The following MFN2 variants were observed in gnomAD, a reference collection of about 807,000 sequenced individuals.
MFN2 encodes mitofusin 2.
In MFN2, 43 loss-of-function variants were observed where a neutral mutation model predicts 87.5. That is an observed-to-expected ratio of 0.49 (90% CI 0.38 to 0.63). The LOEUF (loss-of-function observed/expected upper bound fraction) is 0.63, where lower values mean the gene tolerates loss of function less well. Ranked by LOEUF, MFN2 falls within the 30% of genes least tolerant of loss-of-function variation. MFN2 has a pLI of 0.00. For missense variants in MFN2, 743 were observed against 972.8 expected, an observed-to-expected ratio of 0.76 and a Z score of 3.14; for synonymous variants, 337 against 359.9, an observed-to-expected ratio of 0.94 and a Z score of 0.72.
Position 12,005,928 on chromosome 1 carries a change from C to G in MFN2, c.1713C>G (p.Asp571Glu). Residue 571 changes from aspartate (D) to glutamate (E), a missense_variant, in exon 15 of 19, where the codon GAC (aspartate) becomes GAG (glutamate). Coordinates refer to ENST00000235329, the MANE Select transcript of MFN2 (RefSeq NM_014874.4). ...NSRRALMGYN[D>E]QVQRPIPLTP... ...GTCGGGCCTTGATGGGCTACAATGA[C>G]CAGGCAAGCAAAGTTCCTCACCTCA... 6.2e-7 allele frequency: 1 copy of G among 1,613,156 alleles called. No homozygotes were observed. The highest frequency in any genetic ancestry group is 1.1e-5 in the South Asian group (1 of 91,024).
Position 12,003,885 on chromosome 1 carries a change from G to T in MFN2, c.1161-107G>T. 6.7e-7 allele frequency: 1 copy of T among 1,489,914 alleles called. No individual in the cohort carries two copies. 92.3% of individuals were successfully genotyped at this position (1,489,914 alleles called of 1,614,324 possible). A position where few individuals can be genotyped will look rare whatever the true frequency, so the allele number is the denominator to read the frequency against. Reference sequence around the variant, plus strand: ...CCCCTGGGTGCGTGTGTGCAGCCCTGCCAGGCAAGATAGCGGGCAGGGCGG... The same window carrying T: ...CCCCTGGGTGCGTGTGTGCAGCCCTTCCAGGCAAGATAGCGGGCAGGGCGG... On this transcript the variant is annotated intron_variant, in intron 11 of 18. Transcript: ENST00000235329. This position sits in a 1 kb window ranked among gnomAD's most constrained non-coding sequence, Gnocchi z 4.1.
chr1:12,012,313 CCTTTG>C lies in MFN2; in HGVS notation c.*753_*757del. The C allele has an allele frequency of 6.5e-6, 1 of 154,012 alleles. No individual in the cohort carries two copies. The highest frequency in any genetic ancestry group is 2.4e-5 in the African/African-American group (1 of 41,498). The allele number at this position is 154,012 out of a possible 1,614,324, so 9.5% of individuals were successfully genotyped here. Reference sequence around the variant, plus strand: ...CTTGCCTCTCTTCTCATTATTGTGTCCTTTGCTTTAGTGTCAGTCCTGGACTTGTG... The same window carrying C: ...CTTGCCTCTCTTCTCATTATTGTGTCCTTTAGTGTCAGTCCTGGACTTGTG... On this transcript the variant is annotated 3_prime_UTR_variant, in exon 19 of 19. Transcript: ENST00000235329.
At chr1:11,989,045 A>T in intron 2 of MFN2, 120 bp from the exon 3 acceptor site, 3 of 1,097,704 alleles carry the variant, frequency 2.7e-6, no homozygotes, top group Non-Finnish European at 2.7e-6. Context: ...CTAGTCCTGG[A>T]GGTTGCAGTG....
intron 17 of MFN2, among the ~76,000 whole-genome samples, chr1:12,009,232 C>CCGTGGGGAGAGGGAGAGGGAGCGGGAGA (rs1639583337): frequency 6.0e-5 from 9 of 151,062 alleles, no homozygotes; most frequent in East Asian, 4.1e-4. Context: ...GGAGAGGGAG[C>CCGTGGGGAGAGGGAGAGGGAGCGGGAGA]GGGAGAGGGA....
Position 12,004,895 on chromosome 1 carries a change from A to T in MFN2, c.1463A>T (p.Asn488Ile). The T allele has an allele frequency of 1.2e-6, 2 of 1,612,956 alleles. No homozygotes were observed. The highest frequency in any genetic ancestry group is 1.7e-5 in the Admixed American group (1 of 59,916). ...GACCGCTGCTCCACGGCCATCACCA[A>T]CTCCCTGCAGACCATGCAGCAGGAC... is the stretch of plus-strand genomic sequence containing the variant. ...MSDRCSTAIT[N>I]SLQTMQQDMI... is the part of the protein sequence containing the mutation. Residue 488 changes from asparagine (N) to isoleucine (I), a missense_variant, in exon 14 of 19, where the codon AAC (asparagine) becomes ATC (isoleucine). By Grantham distance (149) the Asn-to-Ile change is moderately radical (BLOSUM62 -3). Transcript: ENST00000235329. The surrounding 1 kb of genome is among the most constrained non-coding windows in gnomAD (Gnocchi z 4.2).
chr1:12,013,379 T>C lies in MFN2; in HGVS notation c.*1814T>C, dbSNP rs759613964. The C allele has an allele frequency of 1.3e-5, 6 of 471,574 alleles. No individual in the cohort carries two copies. The highest frequency in any genetic ancestry group is 9.3e-5 in the South Asian group (6 of 64,440). The allele number at this position is 471,574 out of a possible 1,614,324, so 29.2% of individuals were successfully genotyped here. A position where few individuals can be genotyped will look rare whatever the true frequency, so the allele number is the denominator to read the frequency against. ...CTGACATTGTTGTTTTTATGTTCAT[T>C]TGCTGGAGCGCAAGACGTGCTGACA... is the stretch of plus-strand genomic sequence containing the variant. On this transcript the variant is annotated 3_prime_UTR_variant, in exon 19 of 19. Transcript: ENST00000235329.
intron 4 of MFN2, 93 bp downstream of exon 4, chr1:11,992,783 A>G (rs1638747681): frequency 6.9e-7 from 1 of 1,456,642 alleles, no homozygotes; most frequent in African/African-American, 1.4e-5. Context: ...AGGCAGGGAC[A>G]TGCTTCAGAA....
rs1638904882 is a variant in MFN2 at position 11,996,302 on chromosome 1, A to G, written c.458A>G (p.Glu153Gly). 6.2e-7 allele frequency: 1 copy of G among 1,613,986 alleles called. No homozygotes were observed. The highest frequency in any genetic ancestry group is 8.5e-7 in the Non-Finnish European group (1 of 1,180,018). The part of the protein sequence containing the change: ...EAFLLTEGSE[E>G]KRSAKTVNQL... ...TTTCTCCTTACCGAGGGCTCAGAGG[A>G]AAAGAGGAGTGCCAAGGTGAGGGTG... The change falls in exon 5 of 19, where the codon GAA becomes GGA. Residue 153 changes from glutamate (E) to glycine (G), a missense_variant. Around this residue, in one of 3 missense-constraint regions of MFN2, gnomAD observed 141 missense variants for 278.9 expected, o/e 0.51. Transcript: ENST00000235329.
intron 2 of MFN2, among the ~76,000 whole-genome samples, chr1:11,986,213 CCG>C (rs1638399948): frequency 1.3e-5 from 2 of 152,192 alleles, no homozygotes; most frequent in African/African-American, 4.8e-5. Flanking sequence ...TGTACCTCTT[CCG>C]GGTGTTCTTT....
At chr1:12,002,384 C>T (rs1274448983) in intron 11 of MFN2, among the ~76,000 whole-genome samples, 5 of 152,378 alleles carry the variant, frequency 3.3e-5, no homozygotes, top group Admixed American at 3.3e-4. Context: ...TTCTCAGAGC[C>T]TGAACACATT....
rs1639311985 is a variant in MFN2 at position 12,004,422 on chromosome 1, G to A, written c.1288-87G>A. 31 of 1,168,464 alleles carry A rather than the reference G, an allele frequency of 2.7e-5. No homozygotes were observed. The highest frequency in any genetic ancestry group is 3.9e-5 in the Non-Finnish European group (30 of 774,428). The allele number at this position is 1,168,464 out of a possible 1,614,324, so 72.4% of individuals were successfully genotyped here. On this transcript the variant is annotated intron_variant, in intron 12 of 18. Transcript: ENST00000235329. The surrounding 1 kb of genome is among the most constrained non-coding windows in gnomAD (Gnocchi z 4.2). Reference sequence around the variant, plus strand: ...AGGCTGCTGGTTTGAGAGGAAGGATGTGCCATCTGCTAGGATCTCTCCTGG... The same window carrying A: ...AGGCTGCTGGTTTGAGAGGAAGGATATGCCATCTGCTAGGATCTCTCCTGG...
intron 2 of MFN2, among the ~76,000 whole-genome samples, chr1:11,986,740 GCCA>G (rs1230072273): frequency 9.2e-5 from 14 of 151,942 alleles, no homozygotes; most frequent in Non-Finnish European, 2.1e-4. Flanking sequence ...ACAGGTGCCT[GCCA>G]CCATGCCTGG....
At chr1:12,006,435 G>T in intron 15 of MFN2, 103 bp from the exon 16 acceptor site, 1 of 1,479,870 alleles carries the variant, frequency 6.8e-7, no homozygotes, top group Non-Finnish European at 9.3e-7. Flanking sequence ...AAATTGAAGA[G>T]CCACTCTGTG....
chr1:11,991,582 G>A (rs896623468), intron 3 of MFN2, among the ~76,000 whole-genome samples: 2 of 152,148 alleles, frequency 1.3e-5, no homozygotes, highest in Non-Finnish European at 2.9e-5. Flanking sequence ...AGACCGTGAG[G>A]CAGCGGGTGG....
intron 14 of MFN2, among the ~76,000 whole-genome samples, chr1:12,005,145 G>A (rs1316283269): frequency 2.0e-5 from 3 of 152,332 alleles, no homozygotes; most frequent in African/African-American, 7.2e-5. Flanking sequence ...GCAGTGGCAT[G>A]ATCTTGGCTC....
Position 12,011,699 on chromosome 1 carries a change from C to T in MFN2, c.*134C>T. On this transcript the variant is annotated 3_prime_UTR_variant, in exon 19 of 19. Transcript: ENST00000235329. ...AGAGAATGAAGCACCCAGTCTCGTACCATTTTGAGCCCTCCAGCACTACTT... is the reference window on the plus strand; with the variant it reads ...AGAGAATGAAGCACCCAGTCTCGTATCATTTTGAGCCCTCCAGCACTACTT... 1.1e-6 allele frequency: 1 copy of T among 884,422 alleles called. No homozygotes were observed. Among genetic ancestry groups the T allele is most frequent in the East Asian group, 2.6e-5 (1 of 39,042 alleles). 54.8% of individuals were successfully genotyped at this position (884,422 alleles called of 1,614,324 possible).
Position 12,003,003 on chromosome 1 carries a change from T to G in MFN2, c.1160+900T>G, listed in dbSNP as rs1306095074. Among the ~76,000 whole-genome samples the G allele has an allele frequency of 6.6e-6, 1 of 152,202 alleles. No individual in the cohort carries two copies. ...TTTTCCCTCTATCCTTGTTAGTATGTGTAGTTTGTTTATGAATCGGAACTG... is the reference window on the plus strand; with the variant it reads ...TTTTCCCTCTATCCTTGTTAGTATGGGTAGTTTGTTTATGAATCGGAACTG... On this transcript the variant is annotated intron_variant, in intron 11 of 18. Coordinates refer to ENST00000235329, the MANE Select transcript of MFN2 (RefSeq NM_014874.4). The surrounding 1 kb of genome is among the most constrained non-coding windows in gnomAD (Gnocchi z 4.1).
chr1:12,006,361 T>C lies in MFN2; in HGVS notation c.1717-177T>C, dbSNP rs112638989. Reference sequence around the variant, plus strand: ...TCCTGCTCACATTTTGCACGTCCCGTGGTGCTCACCTGAGGGTCTCCTCTG... The same window carrying C: ...TCCTGCTCACATTTTGCACGTCCCGCGGTGCTCACCTGAGGGTCTCCTCTG... On this transcript the variant is annotated intron_variant, in intron 15 of 18. Transcript: ENST00000235329. Among the ~76,000 whole-genome samples, 4,035 of 152,298 alleles carry C rather than the reference T, an allele frequency of 0.026. 184 individuals are homozygous for C. Among genetic ancestry groups the C allele is most frequent in the African/African-American group, 0.091 (3,795 of 41,534 alleles).
chr1:11,985,592 G>A (rs1174593856), intron 2 of MFN2, among the ~76,000 whole-genome samples: 1 of 151,624 alleles, frequency 6.6e-6, no homozygotes, highest in Non-Finnish European at 1.5e-5. Context: ...TTGGCCTCTG[G>A]AGTAGCTGGG....
Sources: gnomAD v4.1 joint callset for allele counts (sites outside exome capture counted in the v4.1 genomes callset) on GRCh38, gnomAD v4.1.1 for gene constraint, gnomAD v4.1.1 regional missense constraint, Gnocchi (gnomAD v3.1) non-coding constraint, MANE v1.5 for transcripts, NCBI Gene and HGNC (gene_info 2026-07-23, HGNC 2026-07-21) for gene names.